Variants in LOXL2 observed in about 807,000 individuals in gnomAD.
LOXL2 encodes the protein lysyl oxidase like 2, also known as lysyl oxidase homolog 2.
In LOXL2, 70 loss-of-function variants were observed where a neutral mutation model predicts 93.0. The observed-to-expected ratio is 0.75, with a 90% CI of 0.62 to 0.92. LOXL2 has a LOEUF of 0.92. Among genes scored for constraint, LOXL2 ranks in the 40% least tolerant of loss-of-function variants. The pLI is 0.00. For missense variants in LOXL2, 973 were observed against 1,054.9 expected (o/e 0.92, Z 1.08); for synonymous variants, 438 against 413.2 (o/e 1.06, Z -0.73).
chr8:23,298,493 G>A (rs1010625927), intron 13 of LOXL2, among the ~76,000 whole-genome samples: 6 of 152,266 alleles, frequency 3.9e-5, no homozygotes, highest in Admixed American at 2.6e-4. Flanking sequence ...TCCAGCTCTC[G>A]ACAGAAAAAC....
intron 3 of LOXL2, among the ~76,000 whole-genome samples, chr8:23,359,134 A>C (rs912631556): frequency 6.6e-6 from 1 of 151,766 alleles, no homozygotes; most frequent in Non-Finnish European, 1.5e-5. Flanking sequence ...TTACAGGCAT[A>C]AGCCCCCGCG....
chr8:23,343,236 G>A (rs1803914358), intron 3 of LOXL2, among the ~76,000 whole-genome samples: 1 of 152,204 alleles, frequency 6.6e-6, no homozygotes, highest in Non-Finnish European at 1.5e-5. Flanking sequence ...AATAGCAACA[G>A]CTACCGCAAA....
At chr8:23,361,844 C>CAA in intron 2 of LOXL2, among the ~76,000 whole-genome samples, 1 of 101,286 alleles carries the variant, frequency 9.9e-6, no homozygotes, top group African/African-American at 4.2e-5. Context: ...GTCTCAAAAA[C>CAA]AAAACAAAAC....
intron 8 of LOXL2, among the ~76,000 whole-genome samples, chr8:23,319,460 G>T (rs73544001): frequency 2.6e-5 from 4 of 152,188 alleles, no homozygotes; most frequent in African/African-American, 9.7e-5. Flanking sequence ...AGACCAGAGC[G>T]GGTTTCAAGG....
At chr8:23,352,946 T>C (rs1374144626) in intron 3 of LOXL2, among the ~76,000 whole-genome samples, 2 of 144,312 alleles carry the variant, frequency 1.4e-5, no homozygotes, top group Non-Finnish European at 3.0e-5. Flanking sequence ...GTTCCGGCAA[T>C]GGAATTGCTT....
chr8:23,308,676 G>A (rs1287197858), intron 10 of LOXL2, among the ~76,000 whole-genome samples: 1 of 152,234 alleles, frequency 6.6e-6, no homozygotes, highest in African/African-American at 2.4e-5. Context: ...CAGAGGGAAG[G>A]TAAGAGGATG....
intron 2 of LOXL2, among the ~76,000 whole-genome samples, chr8:23,362,946 C>T (rs1271955155): frequency 6.6e-6 from 1 of 152,208 alleles, no homozygotes; most frequent in East Asian, 1.9e-4. Flanking sequence ...AACCTGGGTT[C>T]AAGTTCCATC....
At chr8:23,361,349 T>TCC (rs1201479448) in intron 2 of LOXL2, among the ~76,000 whole-genome samples, 2 of 151,994 alleles carry the variant, frequency 1.3e-5, no homozygotes, top group Non-Finnish European at 2.9e-5. Flanking sequence ...TCCCAATATT[T>TCC]CCCATCGCTG....
chr8:23,305,637 T>C (rs1033648534), intron 10 of LOXL2, among the ~76,000 whole-genome samples: 1 of 151,834 alleles, frequency 6.6e-6, no homozygotes, highest in Non-Finnish European at 1.5e-5. Flanking sequence ...GTCGTGACCC[T>C]TGGGCATCTA....
chr8:23,300,890 C>T (rs530181195), intron 12 of LOXL2, among the ~76,000 whole-genome samples: 3 of 152,326 alleles, frequency 2.0e-5, no homozygotes, highest in East Asian at 3.9e-4. Flanking sequence ...TGTATACGTG[C>T]ACATGGCCAC....
Position 23,374,657 on chromosome 8 carries a change from T to C in LOXL2, c.-83-6223A>G, listed in dbSNP as rs192352616. 1.1e-4 allele frequency among the ~76,000 whole-genome samples: 16 copies of C among 152,354 alleles called. No homozygotes were observed. In the East Asian group the frequency reaches 3.1e-3, roughly 29 times the overall value. On this transcript the variant is annotated intron_variant, in intron 1 of 13. Coordinates refer to ENST00000389131, the MANE Select transcript of LOXL2 (RefSeq NM_002318.3). ...GATTGCCATTCTAACTGGTGTGAGA[T>C]GGTATCTCATTGTGGTTTTGATTTG... is the stretch of plus-strand genomic sequence containing the variant.
At chr8:23,345,791 G>A (rs150238891) in intron 3 of LOXL2, among the ~76,000 whole-genome samples, 2,020 of 152,166 alleles carry the variant, frequency 0.013, 57 homozygotes, top group African/African-American at 0.046. Flanking sequence ...AGCCCCAGCC[G>A]GGCTCAGTGG....
intron 3 of LOXL2, among the ~76,000 whole-genome samples, chr8:23,342,309 G>A (rs1460637307): frequency 1.3e-5 from 2 of 148,454 alleles, no homozygotes; most frequent in Non-Finnish European, 3.0e-5. Flanking sequence ...CAAACTCTAT[G>A]GAAGCTCCCC....
intron 6 of LOXL2, among the ~76,000 whole-genome samples, chr8:23,325,377 C>T (rs916646899): frequency 3.3e-5 from 5 of 152,122 alleles, no homozygotes; most frequent in Admixed American, 1.3e-4. Context: ...CTGCAGCCTA[C>T]CTCGAGGGCT....
chr8:23,304,484 A>G (rs977017404), intron 10 of LOXL2, among the ~76,000 whole-genome samples: 1 of 152,174 alleles, frequency 6.6e-6, no homozygotes, highest in African/African-American at 2.4e-5. Context: ...TGTCTCTGCC[A>G]TTACAGGGAC....
chr8:23,329,362 C>G (rs907731761), intron 5 of LOXL2, among the ~76,000 whole-genome samples: 2 of 152,174 alleles, frequency 1.3e-5, no homozygotes, highest in Non-Finnish European at 2.9e-5. Flanking sequence ...TTTAAACACC[C>G]CCAGTGTTCA....
chr8:23,379,852 C>G (rs1804651755), intron 1 of LOXL2, among the ~76,000 whole-genome samples: 1 of 152,120 alleles, frequency 6.6e-6, no homozygotes, highest in African/African-American at 2.4e-5. Context: ...CTTCCCTTTA[C>G]TAGGAAAGGG....
chr8:23,328,358 C>T (rs1803618886), intron 6 of LOXL2, 24 bp downstream of exon 6: 40 of 1,609,988 alleles, frequency 2.5e-5, no homozygotes, highest in Non-Finnish European at 3.3e-5. Flanking sequence ...AAGAGAGGCC[C>T]CCTCTAGCCT....
chr8:23,347,486 C>T (rs918056626), intron 3 of LOXL2, among the ~76,000 whole-genome samples: 2 of 151,806 alleles, frequency 1.3e-5, no homozygotes, highest in East Asian at 1.9e-4. Flanking sequence ...GGTGAAACCT[C>T]GTCTCTACTA....
Sources: gnomAD v4.1 joint callset for allele counts (sites outside exome capture counted in the v4.1 genomes callset) on GRCh38, gnomAD v4.1.1 for gene constraint, MANE v1.5 for transcripts, NCBI Gene and HGNC (gene_info 2026-07-23, HGNC 2026-07-21) for gene names.